ROCK2: variants seen among roughly 807,000 people sequenced by gnomAD.
The protein encoded by ROCK2 is Rho associated coiled-coil containing protein kinase 2.
A neutral mutation model predicts 195.1 loss-of-function variants in ROCK2; 61 were observed. The ratio of observed to expected loss-of-function variants is 0.31; its 90% confidence interval spans 0.25 to 0.39. The LOEUF is 0.39. ROCK2 is among the 10% of genes least tolerant of loss of function. ROCK2 has a pLI of 1.00. For synonymous variants in ROCK2, 504 were observed against 545.5 expected (o/e 0.92, Z 1.06); for missense variants, 1,109 against 1,637.4 (o/e 0.68, Z 5.57).
chr2:11,286,749 C>G (rs373059662), intron 2 of ROCK2, 110 bp from the exon 3 acceptor site: 1 of 639,718 alleles, frequency 1.6e-6, no homozygotes, highest in South Asian at 2.6e-5. Flanking sequence ...TTTAGCTAAA[C>G]TTGCCAGTTT....
chr2:11,329,457 T>A (rs1668649376), intron 1 of ROCK2, among the ~76,000 whole-genome samples: 1 of 132,846 alleles, frequency 7.5e-6, no homozygotes, highest in Non-Finnish European at 1.6e-5. Flanking sequence ...CTTGTAACAA[T>A]CCCATCTCCA....
intron 3 of ROCK2, among the ~76,000 whole-genome samples, chr2:11,260,581 C>A (rs1490376052): frequency 3.3e-5 from 5 of 151,686 alleles, no homozygotes; most frequent in Admixed American, 2.0e-4. Context: ...TTAGAGAAAG[C>A]AATCCATACA....
chr2:11,221,493 CACAG>C, intron 8 of ROCK2, 136 bp from the exon 9 acceptor site: 1 of 556,866 alleles, frequency 1.8e-6, no homozygotes. Flanking sequence ...TTTATCGATT[CACAG>C]AATTAAAATT....
rs1572436848 is a variant in ROCK2 at position 11,344,386 on chromosome 2, C to T, written c.-250G>A. On this transcript the variant is annotated 5_prime_UTR_variant, in exon 1 of 33. Transcript: ENST00000315872. This position sits in a 1 kb window ranked among gnomAD's most constrained non-coding sequence, Gnocchi z 5.4. Reference sequence around the variant, plus strand: ...GGCGGGGAACAGACGGCGTCCCCGCCCCTCAGTCAGATTCGCGCCGCCGGT... The same window carrying T: ...GGCGGGGAACAGACGGCGTCCCCGCTCCTCAGTCAGATTCGCGCCGCCGGT... 5.3e-6 allele frequency: 6 copies of T among 1,134,292 alleles called. No homozygotes were observed. The highest frequency in any genetic ancestry group is 4.4e-5 in the South Asian group (1 of 22,720). The allele number at this position is 1,134,292 out of a possible 1,614,324, so 70.3% of individuals were successfully genotyped here.
At chr2:11,308,978 A>C in intron 1 of ROCK2, 1 of 1,607,158 alleles carries the variant, frequency 6.2e-7, no homozygotes, top group South Asian at 1.1e-5. Flanking sequence ...TGTGAATTTT[A>C]CCACTCAGTA....
chr2:11,189,371 T>C (rs1421109646), intron 32 of ROCK2, among the ~76,000 whole-genome samples: 1 of 152,222 alleles, frequency 6.6e-6, no homozygotes, highest in Middle Eastern at 3.2e-3. Context: ...GTATACTGAA[T>C]GGGCTTTAGT....
chr2:11,305,472 CACACACTT>C (rs1316498708), intron 1 of ROCK2, among the ~76,000 whole-genome samples: 1 of 147,964 alleles, frequency 6.8e-6, no homozygotes, highest in Non-Finnish European at 1.5e-5. Flanking sequence ...CACACACACA[CACACACTT>C]ACGTGCATGC....
chr2:11,305,186 G>A (rs1383992031), intron 1 of ROCK2, among the ~76,000 whole-genome samples: 1 of 152,150 alleles, frequency 6.6e-6, no homozygotes, highest in Non-Finnish European at 1.5e-5. Context: ...GACCAGCCTG[G>A]CCAGCATGGC....
At chr2:11,209,752 T>C (rs1270220289) in intron 18 of ROCK2, among the ~76,000 whole-genome samples, 1 of 152,220 alleles carries the variant, frequency 6.6e-6, no homozygotes, top group Non-Finnish European at 1.5e-5. Flanking sequence ...ATGCTCAACA[T>C]CTAATTATCA....
At chr2:11,309,048 C>G in intron 1 of ROCK2, 2 of 1,495,112 alleles carry the variant, frequency 1.3e-6, no homozygotes, top group Non-Finnish European at 1.8e-6. Context: ...GCAAGCCGTA[C>G]CCAGACCAGT....
chr2:11,311,780 C>A (rs1668043808), intron 1 of ROCK2, among the ~76,000 whole-genome samples: 2 of 152,324 alleles, frequency 1.3e-5, no homozygotes, highest in Admixed American at 6.5e-5. Flanking sequence ...CACACACACA[C>A]ACACACCCCT....
At chr2:11,271,250 G>T (rs1558346202) in intron 3 of ROCK2, among the ~76,000 whole-genome samples, 1 of 152,164 alleles carries the variant, frequency 6.6e-6, no homozygotes. Flanking sequence ...GAAGCATGAG[G>T]AGATTTTTCT....
chr2:11,270,490 T>C (rs1428009275), intron 3 of ROCK2, among the ~76,000 whole-genome samples: 1 of 152,234 alleles, frequency 6.6e-6, no homozygotes, highest in Non-Finnish European at 1.5e-5. Context: ...ACACATATTT[T>C]ACACCTTTTC....
intron 1 of ROCK2, chr2:11,309,057 G>C: frequency 2.1e-6 from 3 of 1,459,400 alleles, no homozygotes; most frequent in Non-Finnish European, 2.8e-6. Context: ...ACCCAGACCA[G>C]TAGGCCGGAG....
intron 3 of ROCK2, among the ~76,000 whole-genome samples, chr2:11,284,566 TAA>T (rs1667121540): frequency 6.6e-6 from 1 of 152,128 alleles, no homozygotes; most frequent in Non-Finnish European, 1.5e-5. Flanking sequence ...TTAAAAAAAC[TAA>T]AGTCTTTTTT....
chr2:11,264,442 T>C (rs781652340), intron 3 of ROCK2, among the ~76,000 whole-genome samples: 1 of 152,120 alleles, frequency 6.6e-6, no homozygotes, highest in Non-Finnish European at 1.5e-5. Context: ...CTTGAACAAC[T>C]AGGTTGATGC....
At chr2:11,262,531 C>G (rs369896814) in intron 3 of ROCK2, among the ~76,000 whole-genome samples, 15 of 152,086 alleles carry the variant, frequency 9.9e-5, no homozygotes, top group African/African-American at 3.4e-4. Flanking sequence ...GCAGGTCTTT[C>G]CTGTGCTGTT....
At chr2:11,307,852 A>T (rs1006861147) in intron 1 of ROCK2, among the ~76,000 whole-genome samples, 3 of 152,194 alleles carry the variant, frequency 2.0e-5, no homozygotes, top group African/African-American at 7.2e-5. Context: ...AAACAATACA[A>T]TATAACAACT....
chr2:11,237,868 A>G (rs1374630703), intron 4 of ROCK2, among the ~76,000 whole-genome samples: 1 of 152,224 alleles, frequency 6.6e-6, no homozygotes, highest in East Asian at 1.9e-4. Context: ...ACCTGAGGTC[A>G]GGAGTTTGAG....
Sources: gnomAD v4.1 joint callset for allele counts (sites outside exome capture counted in the v4.1 genomes callset) on GRCh38, gnomAD v4.1.1 for gene constraint, Gnocchi (gnomAD v3.1) non-coding constraint, MANE v1.5 for transcripts, NCBI Gene and HGNC (gene_info 2026-07-23, HGNC 2026-07-21) for gene names.